ITGA11: variants seen among roughly 807,000 people sequenced by gnomAD.
ITGA11 encodes integrin alpha-11.
Under a neutral mutation model 141.9 loss-of-function variants are expected in ITGA11, and 97 were observed. The ratio of observed to expected loss-of-function variants is 0.68; its 90% CI spans 0.58 to 0.81. ITGA11 has a LOEUF of 0.81. ITGA11 is among the 30% of genes least tolerant of loss of function. The pLI is 0.00. For missense variants in ITGA11, 1,387 were observed against 1,559.2 expected (o/e 0.89, Z 1.86); for synonymous variants, 658 against 624.6 (o/e 1.05, Z -0.80).
chr15:68,340,689 G>A (rs910842112), intron 10 of ITGA11: 4 of 152,150 alleles, frequency 2.6e-5, no homozygotes, highest in African/African-American at 9.7e-5. Flanking sequence ...GCTCCTTGAG[G>A]GAAAGTTTCC....
chr15:68,304,915 TCTC>T lies in ITGA11; in HGVS notation c.3382-1033_3382-1031del, dbSNP rs1393892806. On this transcript the variant is annotated intron_variant, in intron 28 of 29. Transcript: ENST00000315757. This position sits in a 1 kb window ranked among gnomAD's most constrained non-coding sequence, Gnocchi z 6.1. ...CCTCCTGGGCCTGAGTGCCCTCACA[TCTC>T]CTCTGGAGACTACAGCGCTGCCCGA... 1.3e-5 allele frequency among the ~76,000 whole-genome samples: 2 copies of T among 152,318 alleles called. No homozygotes were observed. The highest frequency in any genetic ancestry group is 6.5e-5 in the Admixed American group (1 of 15,304).
rs929999608 is a variant in ITGA11, at chr15:68,326,391, A to T, written c.2211+263T>A. Among the ~76,000 whole-genome samples, 1 of 151,994 alleles carries T rather than the reference A, an allele frequency of 6.6e-6. No individual in the cohort carries two copies. On this transcript the variant is annotated intron_variant, in intron 17 of 29. Transcript: ENST00000315757. The surrounding 1 kb of genome is among the most constrained non-coding windows in gnomAD (Gnocchi z 6.8). ...GCTCCTAGTTCTCTCTGCTGGACCT[A>T]CTGAGCCCACCTTCCTCCCTTCGGC...
chr15:68,404,360 C>T (rs1896589300), intron 1 of ITGA11, among the ~76,000 whole-genome samples: 4 of 152,162 alleles, frequency 2.6e-5, no homozygotes, highest in Admixed American at 2.6e-4. Flanking sequence ...GCCCTATGAC[C>T]CTTTCGCCCT....
chr15:68,332,595 A>G, intron 12 of ITGA11, 117 bp from the exon 13 acceptor site: 1 of 1,164,938 alleles, frequency 8.6e-7, no homozygotes, highest in South Asian at 1.6e-5. Flanking sequence ...ATTTTTGGTG[A>G]ACAAATGGAT....
chr15:68,327,627 A>T (rs1178156346), intron 16 of ITGA11, among the ~76,000 whole-genome samples: 1 of 152,192 alleles, frequency 6.6e-6, no homozygotes. Flanking sequence ...CTTAGCTGGA[A>T]GTGATGGACC....
At position 68,341,530 on chromosome 15, in the gene ITGA11, A is replaced by G. The variant is rs118184262; in HGVS notation, c.1132-1886T>C. Among the ~76,000 whole-genome samples the G allele has an allele frequency of 2.9e-3, 443 of 152,334 alleles. 14 individuals are homozygous for G. The East Asian group carries it at 0.06, about 21-fold the overall frequency. ...GAGGCAGGGCTGGGGCTTTGACCAG[A>G]GAGGTAAGTAGGGCAGAGAAGAAAA... On this transcript the variant is annotated intron_variant, in intron 10 of 29. Coordinates refer to ENST00000315757, the MANE Select transcript of ITGA11 (RefSeq NM_001004439.2).
intron 9 of ITGA11, among the ~76,000 whole-genome samples, chr15:68,349,550 T>C (rs1894840829): frequency 6.6e-6 from 1 of 152,232 alleles, no homozygotes; most frequent in African/African-American, 2.4e-5. Flanking sequence ...TCAGACTTTA[T>C]ATTCATCTGC....
chr15:68,397,908 T>A (rs893570730), intron 2 of ITGA11, among the ~76,000 whole-genome samples: 23 of 148,896 alleles, frequency 1.5e-4, no homozygotes, highest in African/African-American at 5.4e-4. Context: ...AAACTAAGCT[T>A]CATAAGCGAA....
chr15:68,335,153 G>A lies in ITGA11; in HGVS notation c.1425+544C>T, dbSNP rs914824011. 6.6e-6 allele frequency among the ~76,000 whole-genome samples: 1 copy of A among 152,084 alleles called. No individual in the cohort carries two copies. The highest frequency in any genetic ancestry group is 1.5e-5 in the Non-Finnish European group (1 of 68,000). On this transcript the variant is annotated intron_variant, in intron 12 of 29. Coordinates refer to ENST00000315757, the MANE Select transcript of ITGA11 (RefSeq NM_001004439.2). The surrounding 1 kb of genome is among the most constrained non-coding windows in gnomAD (Gnocchi z 4.9). ...GCACAGATGCTGCTGGTTAGGAGGA[G>A]CCCAGGCCTGATTTTGGGGTTATTT...
chr15:68,361,903 A>G, intron 4 of ITGA11, 199 bp from the exon 5 acceptor site: 1 of 507,340 alleles, frequency 2.0e-6, no homozygotes, highest in Non-Finnish European at 3.5e-6. Flanking sequence ...TTTCAGGTCT[A>G]ATGGAGAAAA....
At chr15:68,314,071 C>T (rs139994448) in intron 22 of ITGA11, among the ~76,000 whole-genome samples, 176 of 152,338 alleles carry the variant, frequency 1.2e-3, no homozygotes, top group African/African-American at 4.1e-3. Context: ...CTACCTGCTG[C>T]CCCTTTAGGT....
chr15:68,363,900 G>A (rs190948962), intron 4 of ITGA11, among the ~76,000 whole-genome samples: 75 of 152,314 alleles, frequency 4.9e-4, no homozygotes, highest in African/African-American at 1.7e-3. Flanking sequence ...AGCAGAGCCT[G>A]CTGCTGTCTG....
rs537173634 is a variant in ITGA11 at position 68,357,520 on chromosome 15, T to G, written c.601-221A>C. Among the ~76,000 whole-genome samples, 17 of 152,256 alleles carry G rather than the reference T, an allele frequency of 1.1e-4. No individual in the cohort carries two copies. The South Asian group carries it at 3.5e-3, about 32-fold the overall frequency. On this transcript the variant is annotated intron_variant, in intron 6 of 29. Transcript: ENST00000315757. ...TTGGTGGCACAAGAAGGGGTGCATA[T>G]AGAGAATGGAGACTTCGTGATTGAA... is the stretch of plus-strand genomic sequence containing the variant.
chr15:68,319,223 C>G (rs749030658), intron 20 of ITGA11, among the ~76,000 whole-genome samples: 29 of 152,368 alleles, frequency 1.9e-4, no homozygotes, highest in South Asian at 1.9e-3. Flanking sequence ...CTGTGTGGTC[C>G]TGGGCAGGCC....
At chr15:68,343,642 A>AC (rs1452555801) in intron 10 of ITGA11, among the ~76,000 whole-genome samples, 2 of 151,428 alleles carry the variant, frequency 1.3e-5, no homozygotes, top group Admixed American at 1.3e-4. Flanking sequence ...GTGATGGGAG[A>AC]CCCCTAGAGG....
At chr15:68,409,864 T>C (rs550155254) in intron 1 of ITGA11, among the ~76,000 whole-genome samples, 26 of 152,316 alleles carry the variant, frequency 1.7e-4, no homozygotes, top group Non-Finnish European at 5.9e-5. Context: ...CAGGATGACT[T>C]TGAGGCCTCA....
In ITGA11 at chr15:68,421,028, G is replaced by GAA. The variant is rs1897007213; in HGVS notation, c.52+10986_52+10987insTT. On this transcript the variant is annotated intron_variant, in intron 1 of 29. Coordinates refer to ENST00000315757, the MANE Select transcript of ITGA11 (RefSeq NM_001004439.2). Reference sequence around the variant, plus strand: ...CCTGAGGTTTGGTGGGCAGGATGCCGGAGTGTGTGCTGTGAGGAATGGTAA... The same window carrying GAA: ...CCTGAGGTTTGGTGGGCAGGATGCCGAAGAGTGTGTGCTGTGAGGAATGGTAA... 3.5e-5 allele frequency among the ~76,000 whole-genome samples: 2 copies of GAA among 57,778 alleles called. 1 individual carries two copies. Among genetic ancestry groups the GAA allele is most frequent in the Non-Finnish European group, 6.7e-5 (2 of 29,726 alleles). The allele number at this position is 57,778 out of a possible 152,430, so 37.9% of individuals were successfully genotyped here.
intron 1 of ITGA11, among the ~76,000 whole-genome samples, chr15:68,414,382 CTGGTT>C (rs1249730641): frequency 3.9e-5 from 6 of 152,194 alleles, no homozygotes; most frequent in Admixed American, 2.0e-4. Context: ...TTTAGGACAG[CTGGTT>C]CCAGGACTCA....
rs915173105 is a variant in ITGA11, at chr15:68,297,741, A to C, written c.*5318T>G. On this transcript the variant is annotated 3_prime_UTR_variant, in exon 30 of 30. Coordinates refer to ENST00000315757, the MANE Select transcript of ITGA11 (RefSeq NM_001004439.2). ...TCATTTCCAGCCTTCACATCTCAGGAGAGTATTAAAGGGTGGTATTGGAGC... is the reference window on the plus strand; with the variant it reads ...TCATTTCCAGCCTTCACATCTCAGGCGAGTATTAAAGGGTGGTATTGGAGC... 6.6e-6 allele frequency: 1 copy of C among 152,050 alleles called. No homozygotes were observed. Among genetic ancestry groups the C allele is most frequent in the Non-Finnish European group, 1.5e-5 (1 of 68,016 alleles). 9.4% of individuals were successfully genotyped at this position (152,050 alleles called of 1,614,324 possible).
Sources: allele counts gnomAD v4.1 joint callset (sites outside exome capture counted in the v4.1 genomes callset), GRCh38; gene constraint gnomAD v4.1.1; non-coding constraint Gnocchi (gnomAD v3.1); transcripts MANE v1.5; gene names NCBI Gene and HGNC (gene_info 2026-07-23, HGNC 2026-07-21).